The following ZNF248 variants were observed in gnomAD, a reference collection of about 807,000 sequenced individuals.
ZNF248 encodes the protein KRAB protein domain.
In ZNF248, 20 loss-of-function variants were observed where a neutral mutation model predicts 44.3. The ratio of observed to expected loss-of-function variants is 0.45; its 90% CI spans 0.32 to 0.66. The LOEUF (loss-of-function observed/expected upper bound fraction) is 0.66, where lower values mean the gene tolerates loss of function less well. ZNF248 is among the 30% of genes least tolerant of loss of function. ZNF248 has a pLI of 0.04. For synonymous variants in ZNF248, 224 were observed against 229.0 expected, an observed-to-expected ratio of 0.98 and a Z score of 0.20; for missense variants, 654 against 677.0, an observed-to-expected ratio of 0.97 and a Z score of 0.38.
At chr10:37,856,381 C>T (rs1464276788) in intron 2 of ZNF248, 44 bp from the exon 3 acceptor site, 1 of 1,606,512 alleles carries the variant, frequency 6.2e-7, no homozygotes, top group Non-Finnish European at 8.5e-7. Context: ...CCTTCGCCGG[C>T]CTTGCAGTTC....
At chr10:37,848,174 G>A in intron 3 of ZNF248, among the ~76,000 whole-genome samples, 1 of 152,306 alleles carries the variant, frequency 6.6e-6, no homozygotes, top group East Asian at 1.9e-4. Flanking sequence ...TCGGGAGGCT[G>A]AGGCAGGTGA....
chr10:37,776,959 G>A (rs11011364), intron 6 of ZNF248, among the ~76,000 whole-genome samples: 1,972 of 152,162 alleles, frequency 0.013, 28 homozygotes, highest in Middle Eastern at 0.051. Flanking sequence ...AAGAGCTAAT[G>A]AGAAGAAAAA....
In ZNF248 at chr10:37,831,285, A is replaced by G. The variant is rs2055553545; in HGVS notation, c.*330T>C. The G allele has an allele frequency of 1.9e-6, 3 of 1,549,644 alleles. No homozygotes were observed. Among genetic ancestry groups the G allele is most frequent in the South Asian group, 1.2e-5 (1 of 84,046 alleles). On this transcript the variant is annotated 3_prime_UTR_variant, in exon 6 of 6. Transcript: ENST00000395867. ...CACATATATGTTTAATGCTGCTGTC[A>G]TTCAACTTTTATAAGCTTCAGATTC...
chr10:37,817,795 C>G (rs1443570044), intron 6 of ZNF248, among the ~76,000 whole-genome samples: 1 of 152,206 alleles, frequency 6.6e-6, no homozygotes, highest in African/African-American at 2.4e-5. Flanking sequence ...AACACCATCC[C>G]CAGCTGAGCC....
intron 6 of ZNF248, among the ~76,000 whole-genome samples, chr10:37,814,759 T>C (rs1408476512): frequency 6.6e-6 from 1 of 152,246 alleles, no homozygotes; most frequent in Non-Finnish European, 1.5e-5. Flanking sequence ...AATAACTTTA[T>C]TGAGAATGGC....
At chr10:37,838,658 C>T (rs1269275776) in intron 3 of ZNF248, among the ~76,000 whole-genome samples, 1 of 151,582 alleles carries the variant, frequency 6.6e-6, no homozygotes, top group African/African-American at 2.4e-5. Context: ...GGAGCTTCCA[C>T]CAATGTTTCC....
the ZNF248 span, among the ~76,000 whole-genome samples, chr10:37,763,926 C>A: frequency 3.0e-4 from 46 of 152,156 alleles, no homozygotes; most frequent in Non-Finnish European, 5.9e-4. Context: ...TCTTCATAAG[C>A]TGAGGATGTA....
chr10:37,785,326 C>T (rs1264767041), intron 6 of ZNF248, among the ~76,000 whole-genome samples: 1 of 152,178 alleles, frequency 6.6e-6, no homozygotes, highest in Non-Finnish European at 1.5e-5. Context: ...ACAAACTGAG[C>T]AGCTGACTTA....
At position 37,830,614 on chromosome 10, in the gene ZNF248, T is replaced by A. The variant is rs1470530488; in HGVS notation, c.*1001A>T. On this transcript the variant is annotated 3_prime_UTR_variant, in exon 6 of 6. Coordinates refer to ENST00000395867, the MANE Select transcript of ZNF248 (RefSeq NM_021045.3). Reference sequence around the variant, plus strand: ...CAAATACGTTTTCATATATACACAGTGATGTGCTGTAAATATTTGACAGCA... The same window carrying A: ...CAAATACGTTTTCATATATACACAGAGATGTGCTGTAAATATTTGACAGCA... 2 of 984,884 alleles carry A rather than the reference T, an allele frequency of 2.0e-6. No homozygotes were observed. The highest frequency in any genetic ancestry group is 2.4e-6 in the Non-Finnish European group (2 of 829,588). 61.0% of individuals were successfully genotyped at this position (984,884 alleles called of 1,614,324 possible).
chr10:37,851,632 T>C (rs922968407), intron 3 of ZNF248, among the ~76,000 whole-genome samples: 1 of 151,682 alleles, frequency 6.6e-6, no homozygotes, highest in Non-Finnish European at 1.5e-5. Context: ...AAAAAAAAAT[T>C]ACCATTCTTC....
At position 37,787,312 on chromosome 10, in the gene ZNF248, CATAA is replaced by C. The variant is rs540518481; in HGVS notation, c.331-10741_331-10738del. Among the ~76,000 whole-genome samples the C allele has an allele frequency of 2.8e-4, 42 of 151,624 alleles. No homozygotes were observed. In the South Asian group the frequency reaches 7.3e-3, roughly 26 times the overall value. ...AAAAATAATAATAATAAGTAAAATACATAAATAAATAAATAAAGTATACTATAAA... is the reference window on the plus strand; with the variant it reads ...AAAAATAATAATAATAAGTAAAATACATAAATAAATAAAGTATACTATAAA... On this transcript the variant is annotated intron_variant, in intron 6 of 6. Coordinates refer to the ZNF248 transcript ENST00000615949.
intron 6 of ZNF248, chr10:37,794,509 G>A (rs575336319): frequency 8.0e-5 from 13 of 163,240 alleles, no homozygotes; most frequent in South Asian, 1.9e-4. Flanking sequence ...TTTCTCCCCC[G>A]TGTGTTTTCT....
intron 6 of ZNF248, among the ~76,000 whole-genome samples, chr10:37,798,125 A>G (rs1484504998): frequency 2.0e-5 from 3 of 152,168 alleles, no homozygotes; most frequent in Non-Finnish European, 2.9e-5. Context: ...GTAATACAAC[A>G]CAGCTTTAAC....
chr10:37,780,763 C>A (rs2047202547), intron 6 of ZNF248, among the ~76,000 whole-genome samples: 1 of 152,122 alleles, frequency 6.6e-6, no homozygotes. Flanking sequence ...CAGGGACACC[C>A]CGCCCCCGCT....
chr10:37,786,197 A>AT (rs997242036), intron 6 of ZNF248, among the ~76,000 whole-genome samples: 7 of 152,130 alleles, frequency 4.6e-5, no homozygotes, highest in Non-Finnish European at 7.4e-5. Flanking sequence ...ATATATTACC[A>AT]TTTTTTGCAG....
chr10:37,761,691 C>A, the ZNF248 span, among the ~76,000 whole-genome samples: 1 of 152,174 alleles, frequency 6.6e-6, no homozygotes, highest in South Asian at 2.1e-4. Flanking sequence ...CACAGCTACC[C>A]ATGATCAATT....
chr10:37,772,599 A>C (rs1476149931), downstream of ZNF248, among the ~76,000 whole-genome samples: 1 of 152,214 alleles, frequency 6.6e-6, no homozygotes, highest in Non-Finnish European at 1.5e-5. Flanking sequence ...AATCAACCAG[A>C]GAGAAAAAGA....
chr10:37,783,348 C>G (rs1459300563), intron 6 of ZNF248, among the ~76,000 whole-genome samples: 1 of 152,080 alleles, frequency 6.6e-6, no homozygotes, highest in Non-Finnish European at 1.5e-5. Context: ...CCCTCTCATA[C>G]CATATACACA....
intron 5 of ZNF248, among the ~76,000 whole-genome samples, chr10:37,834,974 C>G (rs572170553): frequency 6.6e-6 from 1 of 152,064 alleles, no homozygotes; most frequent in Non-Finnish European, 1.5e-5. Flanking sequence ...TACTGAGCAG[C>G]TCCCTTGCTG....
Sources: gnomAD v4.1 joint callset for allele counts (sites outside exome capture counted in the v4.1 genomes callset) on GRCh38, gnomAD v4.1.1 for gene constraint, MANE v1.5 for transcripts, NCBI Gene and HGNC (gene_info 2026-07-23, HGNC 2026-07-21) for gene names.